The following CSRNP3 variants were observed in gnomAD, a reference collection of about 807,000 sequenced individuals.
CSRNP3 encodes cysteine and serine rich nuclear protein 3.
CSRNP3 carries 12 observed loss-of-function variants against 48.0 expected under a neutral mutation model. The ratio of observed to expected loss-of-function variants is 0.25; its 90% confidence interval spans 0.16 to 0.41. The LOEUF (loss-of-function observed/expected upper bound fraction) is 0.41, where lower values mean the gene tolerates loss of function less well. Among genes scored for constraint, CSRNP3 ranks in the 10% least tolerant of loss-of-function variants. The probability of loss-of-function intolerance (pLI) is 1.00; values close to 1 mark genes in which losing one functional copy is unlikely to be tolerated. For missense variants in CSRNP3, 580 were observed against 724.4 expected (o/e 0.80, Z 2.29); for synonymous variants, 263 against 269.7 (o/e 0.98, Z 0.24).
At chr2:165,470,133 G>T (rs1168331988) in intron 1 of CSRNP3, among the ~76,000 whole-genome samples, 1 of 152,104 alleles carries the variant, frequency 6.6e-6, no homozygotes, top group Admixed American at 6.6e-5. Context: ...CTGAGAAAAT[G>T]GAGCCTTCTG....
In CSRNP3 at chr2:165,494,817, C is replaced by A; in HGVS notation, c.-224C>A. 9.6e-6 allele frequency: 2 copies of A among 208,464 alleles called. No homozygotes were observed. Among genetic ancestry groups the A allele is most frequent in the South Asian group, 1.1e-4 (1 of 8,998 alleles). The allele number at this position is 208,464 out of a possible 1,614,324, so 12.9% of individuals were successfully genotyped here. On this transcript the variant is annotated 5_prime_UTR_variant, in exon 2 of 7. Coordinates refer to ENST00000651982, the MANE Select transcript of CSRNP3 (RefSeq NM_001172173.2). ...TTTTAAAGGGGAAGTTTGAAGAAGTCAACGGCTCCTCACCCTGCTCTTCAG... is the reference window on the plus strand; with the variant it reads ...TTTTAAAGGGGAAGTTTGAAGAAGTAAACGGCTCCTCACCCTGCTCTTCAG...
At chr2:165,599,271 G>T (rs1255262909) in intron 4 of CSRNP3, among the ~76,000 whole-genome samples, 1 of 71,682 alleles carries the variant, frequency 1.4e-5, no homozygotes, top group Non-Finnish European at 3.0e-5. Flanking sequence ...GAAAAAGAAA[G>T]AAAGAGAGAG....
chr2:165,479,994 G>C (rs1442399544), intron 1 of CSRNP3, among the ~76,000 whole-genome samples: 1 of 152,132 alleles, frequency 6.6e-6, no homozygotes, highest in Non-Finnish European at 1.5e-5. Context: ...TCACTCTGGG[G>C]GAAAATCTAC....
At chr2:165,479,933 G>C (rs1486639382) in intron 1 of CSRNP3, among the ~76,000 whole-genome samples, 1 of 151,812 alleles carries the variant, frequency 6.6e-6, no homozygotes, top group African/African-American at 2.4e-5. Flanking sequence ...TCTTTGTTCA[G>C]GGCCTCACAA....
chr2:165,606,358 T>C (rs1686011853), intron 4 of CSRNP3, among the ~76,000 whole-genome samples: 1 of 93,058 alleles, frequency 1.1e-5, no homozygotes, highest in African/African-American at 4.4e-5. Context: ...AAGGAAGAGC[T>C]AATGCAGCAA....
chr2:165,634,761 C>G (rs754431974), intron 4 of CSRNP3, among the ~76,000 whole-genome samples: 1 of 152,200 alleles, frequency 6.6e-6, no homozygotes, highest in South Asian at 2.1e-4. Context: ...AGAAACCTAC[C>G]TGGAGGTGAC....
intron 2 of CSRNP3, among the ~76,000 whole-genome samples, chr2:165,496,315 T>C (rs1171595138): frequency 3.3e-5 from 5 of 151,974 alleles, no homozygotes; most frequent in African/African-American, 1.2e-4. Flanking sequence ...TTTCAGAAGA[T>C]AGGTTTTGTT....
At position 165,683,555 on chromosome 2, in the gene CSRNP3, G is replaced by C. The variant is rs760951740; in HGVS notation, c.*3802G>C. ...TACTTTCTATAACTTGCTAATCACT[G>C]TTTCTTTTATTTCAATTTTTGATAT... On this transcript the variant is annotated 3_prime_UTR_variant, in exon 7 of 7. Transcript: ENST00000651982. 6 of 152,030 alleles carry C rather than the reference G, an allele frequency of 3.9e-5. No homozygotes were observed. Among genetic ancestry groups the C allele is most frequent in the Non-Finnish European group, 8.8e-5 (6 of 67,976 alleles). 9.4% of individuals were successfully genotyped at this position (152,030 alleles called of 1,614,324 possible).
intron 3 of CSRNP3, among the ~76,000 whole-genome samples, chr2:165,555,061 C>A (rs1373181738): frequency 3.9e-5 from 6 of 152,098 alleles, no homozygotes; most frequent in Non-Finnish European, 8.8e-5. Context: ...ATTCTCTTGG[C>A]TTACCTCCTC....
At chr2:165,548,001 T>G (rs1685053531) in intron 3 of CSRNP3, among the ~76,000 whole-genome samples, 1 of 152,084 alleles carries the variant, frequency 6.6e-6, no homozygotes. Flanking sequence ...TTTGCTTTTA[T>G]TGTGAAAATA....
intron 3 of CSRNP3, among the ~76,000 whole-genome samples, chr2:165,536,508 A>G (rs1053585622): frequency 5.9e-5 from 9 of 151,924 alleles, no homozygotes; most frequent in African/African-American, 2.2e-4. Flanking sequence ...TATTTAAAGT[A>G]TTGGTTTTGT....
chr2:165,649,230 T>C (rs1686865525), intron 4 of CSRNP3, among the ~76,000 whole-genome samples: 1 of 152,214 alleles, frequency 6.6e-6, no homozygotes, highest in African/African-American at 2.4e-5. Context: ...CTTAGTCTTA[T>C]ATGAGAGGGT....
At chr2:165,661,247 T>A (rs766118477) in intron 5 of CSRNP3, among the ~76,000 whole-genome samples, 18 of 152,178 alleles carry the variant, frequency 1.2e-4, no homozygotes, top group Non-Finnish European at 2.4e-4. Context: ...GCCCCTCAAT[T>A]TGCAGTGGAA....
At chr2:165,601,640 G>GCTTC (rs762976277) in intron 4 of CSRNP3, among the ~76,000 whole-genome samples, 23 of 151,370 alleles carry the variant, frequency 1.5e-4, no homozygotes, top group Non-Finnish European at 2.1e-4. Flanking sequence ...CAATCTGTTT[G>GCTTC]CTTCCTTCCT....
intron 3 of CSRNP3, among the ~76,000 whole-genome samples, chr2:165,582,656 A>G (rs1685567331): frequency 6.6e-6 from 1 of 152,224 alleles, no homozygotes; most frequent in South Asian, 2.1e-4. Flanking sequence ...ATGTGTTCCC[A>G]GTGAATCATC....
intron 3 of CSRNP3, among the ~76,000 whole-genome samples, chr2:165,554,338 C>G (rs1454170941): frequency 2.6e-5 from 4 of 152,140 alleles, no homozygotes; most frequent in Non-Finnish European, 5.9e-5. Context: ...ATTATCTGTT[C>G]ACTGGAAAAT....
At chr2:165,511,170 C>T (rs551522960) in intron 2 of CSRNP3, among the ~76,000 whole-genome samples, 3 of 152,130 alleles carry the variant, frequency 2.0e-5, no homozygotes, top group African/African-American at 7.2e-5. Context: ...CTGCTGACCT[C>T]GATAAGTGTT....
chr2:165,577,111 A>G (rs1271109563), intron 3 of CSRNP3, among the ~76,000 whole-genome samples: 1 of 151,560 alleles, frequency 6.6e-6, no homozygotes, highest in East Asian at 1.9e-4. Context: ...TTATTGCTAT[A>G]TTTGTTCTCC....
At chr2:165,549,129 C>A (rs537338558) in intron 3 of CSRNP3, among the ~76,000 whole-genome samples, 1 of 151,672 alleles carries the variant, frequency 6.6e-6, no homozygotes, top group South Asian at 2.1e-4. Context: ...TGAGATTACC[C>A]TGAAAAGCTG....
Sources: allele counts gnomAD v4.1 joint callset (sites outside exome capture counted in the v4.1 genomes callset), GRCh38; gene constraint gnomAD v4.1.1; transcripts MANE v1.5; gene names NCBI Gene and HGNC (gene_info 2026-07-23, HGNC 2026-07-21).